AGK: variants seen among roughly 807,000 people sequenced by gnomAD.
AGK encodes the protein acylglycerol kinase, mitochondrial.
A neutral mutation model predicts 66.4 loss-of-function variants in AGK; 52 were observed. That is an observed-to-expected ratio of 0.78 (90% CI 0.63 to 0.99). AGK has a LOEUF of 0.99. AGK is among the 50% of genes least tolerant of loss of function. The pLI is 0.00. For missense variants in AGK, 451 were observed against 506.6 expected (o/e 0.89, Z 1.05); for synonymous variants, 182 against 181.1 (o/e 1.00, Z -0.04).
intron 2 of AGK, among the ~76,000 whole-genome samples, chr7:141,573,396 C>T (rs1795656732): frequency 6.6e-6 from 1 of 152,004 alleles, no homozygotes. Context: ...GCTTCCTCCC[C>T]TCTCTCTTGG....
intron 6 of AGK, among the ~76,000 whole-genome samples, chr7:141,613,882 AT>A (rs1193585141): frequency 4.6e-5 from 7 of 152,164 alleles, no homozygotes; most frequent in African/African-American, 1.7e-4. Context: ...CTTAAAACAT[AT>A]TTTTAGTAAT....
chr7:141,602,173 T>TGTGTGTGTGTG (rs1587114560), intron 5 of AGK, among the ~76,000 whole-genome samples: 1,771 of 125,342 alleles, frequency 0.014, 60 homozygotes, highest in African/African-American at 0.045. Flanking sequence ...GGAGATTTTC[T>TGTGTGTGTGTG]TGTGTGTGTG....
intron 2 of AGK, among the ~76,000 whole-genome samples, chr7:141,564,371 G>A (rs1795419450): frequency 6.6e-6 from 1 of 152,156 alleles, no homozygotes; most frequent in Admixed American, 6.5e-5. Flanking sequence ...CATGGCAAAA[G>A]GGGAAGCAAA....
chr7:141,621,831 T>C (rs768532020), intron 9 of AGK, 30 bp downstream of exon 9: 4 of 1,514,660 alleles, frequency 2.6e-6, no homozygotes, highest in South Asian at 1.1e-5. Flanking sequence ...ATTGGAAAAA[T>C]TGTGAAAGTA....
intron 13 of AGK, among the ~76,000 whole-genome samples, chr7:141,646,422 CAGAA>C (rs1373156809): frequency 6.6e-6 from 1 of 152,154 alleles, no homozygotes; most frequent in African/African-American, 2.4e-5. Context: ...GTAGTGTCCT[CAGAA>C]AGGTATTGCC....
chr7:141,587,783 G>T (rs1796024000), intron 2 of AGK, among the ~76,000 whole-genome samples: 1 of 152,188 alleles, frequency 6.6e-6, no homozygotes, highest in African/African-American at 2.4e-5. Context: ...ATTACCTGTT[G>T]AATTGTCATC....
chr7:141,596,963 G>C (rs1033346600), intron 4 of AGK: 38 of 224,186 alleles, frequency 1.7e-4, no homozygotes, highest in Non-Finnish European at 2.5e-4. Context: ...GGCCATCTCT[G>C]TCCACAGGAT....
chr7:141,632,057 C>T (rs1382001064), intron 9 of AGK, among the ~76,000 whole-genome samples: 1 of 151,956 alleles, frequency 6.6e-6, no homozygotes, highest in Non-Finnish European at 1.5e-5. Context: ...GGTGAAACCC[C>T]GTCTCTACTA....
At chr7:141,587,485 T>G (rs1462928286) in intron 2 of AGK, among the ~76,000 whole-genome samples, 1 of 152,208 alleles carries the variant, frequency 6.6e-6, no homozygotes, top group East Asian at 1.9e-4. Context: ...AAAATGTCCT[T>G]GGTGACCTGG....
Position 141,651,529 on chromosome 7 carries a change from C to T in AGK, c.1051C>T (p.Arg351Ter), listed in dbSNP as rs148604072. Residue 351 changes from arginine (R) to a stop codon, truncating the protein, a stop_gained, in exon 15 of 16, where the codon CGA becomes TGA. Transcript: ENST00000649286. LOFTEE classifies it high-confidence loss of function. ...TGCTTTTTCCTGTGCTCACAGAAGT[C>T]GAAAGGTGAGAAACCCCAAGCTGCA... ...SKGDFITIGS[R>*]KVRNPKLHVE... 1 of 1,614,050 alleles carries T rather than the reference C, an allele frequency of 6.2e-7. No homozygotes were observed. The highest frequency in any genetic ancestry group is 8.5e-7 in the Non-Finnish European group (1 of 1,180,018).
intron 9 of AGK, among the ~76,000 whole-genome samples, chr7:141,633,130 C>T (rs963441143): frequency 3.9e-5 from 6 of 152,154 alleles, no homozygotes; most frequent in Admixed American, 2.0e-4. Flanking sequence ...ATGTAGCATT[C>T]GGTAGCTCTC....
chr7:141,570,335 C>T (rs961837467), intron 2 of AGK, among the ~76,000 whole-genome samples: 7 of 151,976 alleles, frequency 4.6e-5, no homozygotes, highest in East Asian at 3.9e-4. Context: ...TGCAGTGAGC[C>T]GAGATCACGC....
At chr7:141,581,983 G>A (rs923568054) in intron 2 of AGK, among the ~76,000 whole-genome samples, 18 of 151,960 alleles carry the variant, frequency 1.2e-4, no homozygotes, top group Non-Finnish European at 1.8e-4. Context: ...GGTAGCCTCC[G>A]TATTGATTAA....
At chr7:141,628,721 A>G (rs1796994096) in intron 9 of AGK, among the ~76,000 whole-genome samples, 1 of 152,228 alleles carries the variant, frequency 6.6e-6, no homozygotes, top group Admixed American at 6.5e-5. Flanking sequence ...TTTGATTATG[A>G]CGAGTTGTGC....
At chr7:141,580,505 C>T (rs1353734734) in intron 2 of AGK, among the ~76,000 whole-genome samples, 1 of 151,832 alleles carries the variant, frequency 6.6e-6, no homozygotes, top group Non-Finnish European at 1.5e-5. Flanking sequence ...GGAATGAAGT[C>T]CGGACCGGGA....
At chr7:141,554,982 G>A (rs1469150418) in intron 1 of AGK, among the ~76,000 whole-genome samples, 1 of 152,014 alleles carries the variant, frequency 6.6e-6, no homozygotes, top group East Asian at 1.9e-4. Flanking sequence ...TTGAGGACCT[G>A]GTATTTTCTT....
In AGK at chr7:141,559,694, C is replaced by G. The variant is rs563491844; in HGVS notation, c.101+4127C>G. 2.0e-5 allele frequency among the ~76,000 whole-genome samples: 3 copies of G among 152,218 alleles called. No individual in the cohort carries two copies. In the South Asian group the frequency reaches 6.2e-4, roughly 32 times the overall value. On this transcript the variant is annotated intron_variant, in intron 2 of 15. Transcript: ENST00000649286. ...TCTGTACATTGTTTTGTAGAATAGA[C>G]ATTTGAACAATATTAAGTCTTCTAA...
At chr7:141,553,823 C>A (rs1219168503) in intron 1 of AGK, among the ~76,000 whole-genome samples, 1 of 152,000 alleles carries the variant, frequency 6.6e-6, no homozygotes, top group Non-Finnish European at 1.5e-5. Context: ...GAATTTTAAC[C>A]AATGGGATTT....
At chr7:141,609,686 C>T (rs1371981605) in intron 5 of AGK, among the ~76,000 whole-genome samples, 1 of 152,154 alleles carries the variant, frequency 6.6e-6, no homozygotes, top group Non-Finnish European at 1.5e-5. Context: ...AATCTCAGGC[C>T]CCTCGCTCCT....
Sources: allele counts gnomAD v4.1 joint callset (sites outside exome capture counted in the v4.1 genomes callset), GRCh38; gene constraint gnomAD v4.1.1; transcripts MANE v1.5; gene names NCBI Gene and HGNC (gene_info 2026-07-23, HGNC 2026-07-21).